BIRC6: variants seen among roughly 807,000 people sequenced by gnomAD.
BIRC6 encodes the protein baculoviral IAP repeat containing 6.
Under a neutral mutation model 503.3 loss-of-function variants are expected in BIRC6, and 98 were observed. The observed-to-expected ratio is 0.19, with a 90% CI of 0.17 to 0.23. The LOEUF (loss-of-function observed/expected upper bound fraction) is 0.23, where lower values mean the gene tolerates loss of function less well. Among genes scored for constraint, BIRC6 ranks in the 10% least tolerant of loss-of-function variants. The probability of loss-of-function intolerance (pLI) is 1.00; values close to 1 mark genes in which losing one functional copy is unlikely to be tolerated. For synonymous variants in BIRC6, 2,240 were observed against 2,078.7 expected (o/e 1.08, Z -2.11); for missense variants, 5,360 against 5,806.0 (o/e 0.92, Z 2.50).
chr2:32,491,459 T>A lies in BIRC6; in HGVS notation c.8241T>A (p.Ser2747Arg). The change falls in exon 44 of 74, where the codon AGT (serine) becomes AGA (arginine). Residue 2747 changes from serine (S) to arginine (R), a missense_variant. By Grantham distance (110) the Ser-to-Arg change is moderately radical (BLOSUM62 -1). Transcript: ENST00000421745. Reference protein sequence around the residue: ...GSSSAIGTQESTAHLLVSDPN... With the variant: ...GSSSAIGTQERTAHLLVSDPN... ...GCAGTGCCATTGGAACTCAGGAGAG[T>A]ACTGCTCATTTGTTGGTTTCAGATC... The A allele has an allele frequency of 1.2e-6, 2 of 1,613,524 alleles. No homozygotes were observed.
At chr2:32,597,204 T>G (rs1573277807) in intron 68 of BIRC6, among the ~76,000 whole-genome samples, 2 of 152,258 alleles carry the variant, frequency 1.3e-5, no homozygotes, top group East Asian at 3.8e-4. Context: ...TGCCATTTGT[T>G]TAACCAGTAA....
chr2:32,462,693 A>C (rs2148852413), intron 23 of BIRC6, among the ~76,000 whole-genome samples: 1 of 152,330 alleles, frequency 6.6e-6, no homozygotes, highest in Middle Eastern at 3.4e-3. Flanking sequence ...GTGGTGGCTC[A>C]CACCTGTAAT....
intron 20 of BIRC6, among the ~76,000 whole-genome samples, chr2:32,444,531 G>A (rs982799445): frequency 6.6e-6 from 1 of 152,082 alleles, no homozygotes; most frequent in Non-Finnish European, 1.5e-5. Flanking sequence ...CTACTAACTT[G>A]GCCTTTTAAG....
intron 66 of BIRC6, among the ~76,000 whole-genome samples, chr2:32,592,283 G>A (rs1331064722): frequency 6.6e-6 from 1 of 152,296 alleles, no homozygotes; most frequent in South Asian, 2.1e-4. Context: ...GATAAGAAGA[G>A]AGCACAGGAA....
chr2:32,598,554 A>T (rs2061825295), intron 69 of BIRC6, among the ~76,000 whole-genome samples: 1 of 152,184 alleles, frequency 6.6e-6, no homozygotes. Context: ...AACACGTGAT[A>T]ATCTGGCCTT....
At chr2:32,546,129 C>T (rs1029644211) in intron 63 of BIRC6, among the ~76,000 whole-genome samples, 1 of 152,154 alleles carries the variant, frequency 6.6e-6, no homozygotes, top group Admixed American at 6.5e-5. Context: ...TGAATTTATA[C>T]TGTGATCCTT....
rs151145607 is a variant in BIRC6, at chr2:32,357,413, C to G, written c.252C>G (p.Ala84=). 6.5e-7 allele frequency: 1 copy of G among 1,549,664 alleles called. No homozygotes were observed. Among genetic ancestry groups the G allele is most frequent in the South Asian group, 1.2e-5 (1 of 83,970 alleles). Residue 84 remains alanine (A), a synonymous_variant, in exon 1 of 74, where the codon GCC becomes GCG. Coordinates refer to ENST00000421745, the MANE Select transcript of BIRC6 (RefSeq NM_016252.4). This position sits in a 1 kb window ranked among gnomAD's most constrained non-coding sequence, Gnocchi z 4.9. ...ACCCTGCGCTCAACGCCATCCTGGC[C>G]GTCACTAGCCGCGGGACCATCAAAG... ...SYHPALNAIL[A]VTSRGTIKVI...
intron 71 of BIRC6, among the ~76,000 whole-genome samples, chr2:32,606,310 G>T (rs1398924197): frequency 1.3e-5 from 2 of 152,114 alleles, no homozygotes; most frequent in African/African-American, 4.8e-5. Flanking sequence ...ATTTCTGGCC[G>T]GGTATGATGG....
rs1180361464 is a variant in BIRC6, at chr2:32,597,807, T to C, written c.13669T>C (p.Tyr4557His). The C allele has an allele frequency of 6.2e-7, 1 of 1,613,788 alleles. No homozygotes were observed. Residue 4557 changes from tyrosine (Y) to histidine (H), a missense_variant, in exon 69 of 74, where the codon TAC becomes CAC. By Grantham distance (83) the Tyr-to-His change is moderately conservative. Transcript: ENST00000421745. ...EDGKLGFKVNYHYMSQVKNAN... is the reference protein window; with the variant it reads ...EDGKLGFKVNHHYMSQVKNAN... ...TGGGAAATTGGGATTTAAAGTAAAT[T>C]ACCACTACATGTCTCAGGTGAAAAA...
intron 65 of BIRC6, among the ~76,000 whole-genome samples, chr2:32,551,224 A>T (rs949679469): frequency 1.3e-5 from 2 of 150,644 alleles, no homozygotes; most frequent in African/African-American, 4.9e-5. Context: ...ATAAATATAA[A>T]TATATAAATA....
At chr2:32,381,834 G>A (rs201021763) in intron 3 of BIRC6, among the ~76,000 whole-genome samples, 17 of 152,174 alleles carry the variant, frequency 1.1e-4, no homozygotes, top group African/African-American at 3.6e-4. Flanking sequence ...GTGAGCCACC[G>A]TGCCTGGCCA....
At chr2:32,526,119 T>C (rs2056246598) in intron 59 of BIRC6, among the ~76,000 whole-genome samples, 2 of 152,116 alleles carry the variant, frequency 1.3e-5, no homozygotes, top group Admixed American at 6.5e-5. Flanking sequence ...ACTTTTTGAG[T>C]GCTGGCATGA....
At chr2:32,404,922 A>G (rs1191028476) in intron 8 of BIRC6, among the ~76,000 whole-genome samples, 1 of 152,140 alleles carries the variant, frequency 6.6e-6, no homozygotes, top group South Asian at 2.1e-4. Context: ...TTGTCCTCCC[A>G]AAGTGCTGGG....
At chr2:32,445,386 A>G (rs1258932045) in intron 20 of BIRC6, 135 bp from the exon 21 acceptor site, 6 of 901,240 alleles carry the variant, frequency 6.7e-6, no homozygotes, top group African/African-American at 1.7e-5. Context: ...TAAATTGCCT[A>G]TAAGATTGTC....
intron 61 of BIRC6, among the ~76,000 whole-genome samples, chr2:32,540,504 C>CT (rs1392588430): frequency 6.6e-6 from 1 of 151,858 alleles, no homozygotes; most frequent in East Asian, 1.9e-4. Context: ...AATAAAATTT[C>CT]TTTGTTGTTA....
chr2:32,534,588 G>A (rs2057049925), intron 61 of BIRC6, among the ~76,000 whole-genome samples: 1 of 151,314 alleles, frequency 6.6e-6, no homozygotes, highest in Non-Finnish European at 1.5e-5. Flanking sequence ...AAAATTAGCT[G>A]GGCGTGGTGG....
chr2:32,504,441 G>C (rs2053573056), intron 49 of BIRC6, among the ~76,000 whole-genome samples: 1 of 151,930 alleles, frequency 6.6e-6, no homozygotes, highest in African/African-American at 2.4e-5. Context: ...GCCGAGGCGG[G>C]TGGATCATGA....
At chr2:32,362,609 C>T (rs114400002) in intron 1 of BIRC6, among the ~76,000 whole-genome samples, 2 of 152,204 alleles carry the variant, frequency 1.3e-5, no homozygotes, top group East Asian at 1.9e-4. Context: ...TGAGCCACCT[C>T]ACCCAGCCTG....
intron 73 of BIRC6, among the ~76,000 whole-genome samples, chr2:32,617,524 G>A (rs549752701): frequency 6.6e-6 from 1 of 152,298 alleles, no homozygotes; most frequent in African/African-American, 2.4e-5. Flanking sequence ...CAGCAACATC[G>A]GTTACTTTGA....
Sources: allele counts gnomAD v4.1 joint callset (sites outside exome capture counted in the v4.1 genomes callset), GRCh38; gene constraint gnomAD v4.1.1; non-coding constraint Gnocchi (gnomAD v3.1); transcripts MANE v1.5; gene names NCBI Gene and HGNC (gene_info 2026-07-23, HGNC 2026-07-21).